The following GRSF1 variants were observed in gnomAD, a reference collection of about 807,000 sequenced individuals.
GRSF1 encodes G-rich sequence factor 1.
GRSF1 carries 50 observed loss-of-function variants against 51.1 expected under a neutral mutation model. The ratio of observed to expected loss-of-function variants is 0.98; its 90% CI spans 0.78 to 1.24. GRSF1 has a LOEUF of 1.24. Among genes scored for constraint, GRSF1 ranks in the 50% most tolerant of loss-of-function variants. The pLI is 0.00. For missense variants in GRSF1, 700 were observed against 639.7 expected, an observed-to-expected ratio of 1.09 and a Z score of -1.02; for synonymous variants, 293 against 253.3, an observed-to-expected ratio of 1.16 and a Z score of -1.49.
chr4:70,829,302 G>A (rs955248615), intron 5 of GRSF1, among the ~76,000 whole-genome samples: 7 of 151,310 alleles, frequency 4.6e-5, no homozygotes, highest in Non-Finnish European at 7.4e-5. Context: ...AAAAACCTTT[G>A]AGCCTGGACA....
chr4:70,835,603 T>C (rs1001926656), intron 2 of GRSF1, among the ~76,000 whole-genome samples: 1 of 151,098 alleles, frequency 6.6e-6, no homozygotes, highest in East Asian at 2.0e-4. Context: ...ACTACAAGCC[T>C]GGGTAATTTT....
At chr4:70,841,198 G>A (rs530465204), upstream of GRSF1, among the ~76,000 whole-genome samples, 7 of 152,264 alleles carry the variant, frequency 4.6e-5, no homozygotes, top group East Asian at 1.4e-3. Flanking sequence ...GAGGCCGATT[G>A]CTTCAGCCCA....
chr4:70,837,965 C>G (rs1734284739), intron 1 of GRSF1, among the ~76,000 whole-genome samples: 2 of 151,954 alleles, frequency 1.3e-5, no homozygotes, highest in South Asian at 4.1e-4. Context: ...GGCGCGGTGG[C>G]TCACGCCTGT....
At position 70,833,175 on chromosome 4, in the gene GRSF1, CCTG is replaced by C; in HGVS notation, c.610_612del (p.Gln204del). 1 of 1,613,968 alleles carries C rather than the reference CCTG, an allele frequency of 6.2e-7. No individual in the cohort carries two copies. Among genetic ancestry groups the C allele is most frequent in the African/African-American group, 1.3e-5 (1 of 75,050 alleles). On this transcript the variant is annotated inframe_deletion, in exon 3 of 10. Coordinates refer to ENST00000254799, the MANE Select transcript of GRSF1 (RefSeq NM_002092.4). ...TGCTTCTCTAAGGCTTTCTGCACATCCTGCTCTGACTCCATTTCAATTAAGGCA... is the reference window on the plus strand; with the variant it reads ...TGCTTCTCTAAGGCTTTCTGCACATCCTCTGACTCCATTTCAATTAAGGCA...
chr4:70,836,346 G>A (rs1423166379), intron 1 of GRSF1, 32 bp from the exon 2 acceptor site: 2 of 1,451,314 alleles, frequency 1.4e-6, no homozygotes, highest in South Asian at 1.4e-5. Context: ...TGTAAAAAGA[G>A]TTGCATTTAC....
At position 70,826,127 on chromosome 4, in the gene GRSF1, T is replaced by TAC. The variant is rs1176639342; in HGVS notation, c.1253_1254insGT (p.Ile418MetfsTer2). On this transcript the variant is annotated frameshift_variant, in exon 7 of 10. Coordinates refer to ENST00000254799, the MANE Select transcript of GRSF1 (RefSeq NM_002092.4). LOFTEE classifies it high-confidence loss of function. Reference sequence around the variant, plus strand: ...TGGATATCTTACTGCCACACACGTTTATAATGTCTTGGGCATTGGCTTGGA... The same window carrying TAC: ...TGGATATCTTACTGCCACACACGTTTACATAATGTCTTGGGCATTGGCTTGGA... 6.2e-7 allele frequency: 1 copy of TAC among 1,610,386 alleles called. No homozygotes were observed. Among genetic ancestry groups the TAC allele is most frequent in the Admixed American group, 1.7e-5 (1 of 59,268 alleles).
At position 70,817,948 on chromosome 4, in the gene GRSF1, C is replaced by T. The variant is rs1201985677; in HGVS notation, c.*2939G>A. 1.3e-5 allele frequency: 2 copies of T among 152,214 alleles called. No homozygotes were observed. The highest frequency in any genetic ancestry group is 4.8e-5 in the African/African-American group (2 of 41,450). The allele number at this position is 152,214 out of a possible 1,614,324, so 9.4% of individuals were successfully genotyped here. On this transcript the variant is annotated 3_prime_UTR_variant, in exon 10 of 10. Transcript: ENST00000254799. Reference sequence around the variant, plus strand: ...TGGAACTCTACTGCTGACATACATACCATTCTCCTCTATACTATAGGTCCT... The same window carrying T: ...TGGAACTCTACTGCTGACATACATATCATTCTCCTCTATACTATAGGTCCT...
chr4:70,840,815 C>T (rs1163410677), upstream of GRSF1, among the ~76,000 whole-genome samples: 1 of 151,894 alleles, frequency 6.6e-6, no homozygotes, highest in African/African-American at 2.4e-5. Context: ...TGGGTAGGGC[C>T]GAGAGCTGTA....
intron 1 of GRSF1, 89 bp from the exon 2 acceptor site, chr4:70,836,403 C>G: frequency 2.1e-6 from 2 of 958,732 alleles, no homozygotes; most frequent in Non-Finnish European, 3.0e-6. Context: ...ATTCTACAAA[C>G]TAACATTCTA....
At chr4:70,830,271 C>T (rs571819561) in intron 5 of GRSF1, among the ~76,000 whole-genome samples, 6 of 152,124 alleles carry the variant, frequency 3.9e-5, no homozygotes, top group East Asian at 3.9e-4. Flanking sequence ...CAAACACACA[C>T]GCACGCACGC....
At chr4:70,826,763 G>A (rs1733753148) in intron 6 of GRSF1, among the ~76,000 whole-genome samples, 1 of 152,110 alleles carries the variant, frequency 6.6e-6, no homozygotes, top group African/African-American at 2.4e-5. Context: ...TGGAAGAACT[G>A]CCTGAGCCCA....
rs1733978080 is a variant in GRSF1 at position 70,831,746 on chromosome 4, A to G, written c.815-72T>C. 9 of 1,339,222 alleles carry G rather than the reference A, an allele frequency of 6.7e-6. No homozygotes were observed. In the East Asian group the frequency reaches 1.7e-4, roughly 25 times the overall value. 83.0% of individuals were successfully genotyped at this position (1,339,222 alleles called of 1,614,324 possible). A position where few individuals can be genotyped will look rare whatever the true frequency, so the allele number is the denominator to read the frequency against. Reference sequence around the variant, plus strand: ...TTAGAATTAACACCATCATTCACATACTAATAAAATTTTTATTCTGTTTTG... The same window carrying G: ...TTAGAATTAACACCATCATTCACATGCTAATAAAATTTTTATTCTGTTTTG... On this transcript the variant is annotated intron_variant, in intron 4 of 9. Transcript: ENST00000254799.
intron 6 of GRSF1, among the ~76,000 whole-genome samples, chr4:70,827,636 C>T (rs558300455): frequency 1.3e-5 from 2 of 151,700 alleles, no homozygotes; most frequent in Admixed American, 6.6e-5. Flanking sequence ...AAATTGGCTG[C>T]GCGTGGCGGC....
In GRSF1 at chr4:70,836,577, T is replaced by A. The variant is rs190183869; in HGVS notation, c.358-263A>T. Among the ~76,000 whole-genome samples the A allele has an allele frequency of 1.2e-3, 178 of 152,286 alleles. 1 individual carries two copies. Among genetic ancestry groups the A allele is most frequent in the African/African-American group, 4.0e-3 (167 of 41,560 alleles). ...AAATTCATCAACCCCAAATTATAGC[T>A]AACAATAGTGTAGTTAAGGCAACAC... On this transcript the variant is annotated intron_variant, in intron 1 of 9. Transcript: ENST00000254799.
At chr4:70,830,528 C>A (rs1733919946) in intron 5 of GRSF1, among the ~76,000 whole-genome samples, 1 of 151,568 alleles carries the variant, frequency 6.6e-6, no homozygotes, top group South Asian at 2.1e-4. Flanking sequence ...TATCTGGATT[C>A]TGTATTTTTG....
In GRSF1 at chr4:70,817,923, T is replaced by G. The variant is rs1179254334; in HGVS notation, c.*2964A>C. 6.6e-6 allele frequency: 1 copy of G among 152,234 alleles called. No individual in the cohort carries two copies. Among genetic ancestry groups the G allele is most frequent in the East Asian group, 1.9e-4 (1 of 5,198 alleles). The allele number at this position is 152,234 out of a possible 1,614,324, so 9.4% of individuals were successfully genotyped here. A position where few individuals can be genotyped will look rare whatever the true frequency, so the allele number is the denominator to read the frequency against. ...TCTAATGCGATAGCGCAATTTGGAT[T>G]GGAACTCTACTGCTGACATACATAC... is the stretch of plus-strand genomic sequence containing the variant. On this transcript the variant is annotated 3_prime_UTR_variant, in exon 10 of 10. Transcript: ENST00000254799.
intron 9 of GRSF1, among the ~76,000 whole-genome samples, chr4:70,823,490 T>C (rs1387677648): frequency 6.6e-6 from 1 of 151,876 alleles, no homozygotes; most frequent in Non-Finnish European, 1.5e-5. Flanking sequence ...TCTTTTTTTT[T>C]TTTTGCCCCC....
At chr4:70,828,143 A>T in intron 5 of GRSF1, 107 bp from the exon 6 acceptor site, 2 of 781,810 alleles carry the variant, frequency 2.6e-6, no homozygotes, top group Non-Finnish European at 4.1e-6. Flanking sequence ...CTTATGAAAC[A>T]CAGGTGTCAA....
At chr4:70,838,035 C>T (rs1488384134) in intron 1 of GRSF1, among the ~76,000 whole-genome samples, 1 of 151,286 alleles carries the variant, frequency 6.6e-6, no homozygotes, top group Admixed American at 6.6e-5. Context: ...ATCGAGACCA[C>T]GGTGAAACCC....
Sources: allele counts gnomAD v4.1 joint callset (sites outside exome capture counted in the v4.1 genomes callset), GRCh38; gene constraint gnomAD v4.1.1; transcripts MANE v1.5; gene names NCBI Gene and HGNC (gene_info 2026-07-23, HGNC 2026-07-21).